The following GADL1 variants were observed in gnomAD, a reference collection of about 807,000 sequenced individuals.
GADL1 encodes GAD like acidic amino acid decarboxylase 1.
Under a neutral mutation model 69.5 loss-of-function variants are expected in GADL1, and 71 were observed. The observed-to-expected ratio is 1.02, with a 90% confidence interval of 0.84 to 1.25. GADL1 has a LOEUF of 1.25. Among genes scored for constraint, GADL1 ranks in the 50% most tolerant of loss-of-function variants. The probability of loss-of-function intolerance (pLI) is 0.00; values close to 1 mark genes in which losing one functional copy is unlikely to be tolerated. For synonymous variants in GADL1, 254 were observed against 214.4 expected (o/e 1.18, Z -1.62); for missense variants, 737 against 631.8 (o/e 1.17, Z -1.79).
chr3:30,740,960 T>TTAATTAATATATAA (rs1695609678), intron 14 of GADL1, among the ~76,000 whole-genome samples: 2 of 134,868 alleles, frequency 1.5e-5, no homozygotes, highest in African/African-American at 5.9e-5. Context: ...AATATATTTA[T>TTAATTAATATATAA]TATATATTAT....
Position 30,728,070 on chromosome 3 carries a change from G to A in GADL1, c.*172C>T, listed in dbSNP as rs976683664. The A allele has an allele frequency of 1.8e-5, 10 of 552,252 alleles. No homozygotes were observed. In the Admixed American group the frequency reaches 2.9e-4, roughly 16 times the overall value. 34.2% of individuals were successfully genotyped at this position (552,252 alleles called of 1,614,324 possible). A position where few individuals can be genotyped will look rare whatever the true frequency, so the allele number is the denominator to read the frequency against. ...TTTTAGCAACAGTAATGCCCAGGCA[G>A]CTAGAGAGTCCTTAATATTCATTGC... On this transcript the variant is annotated 3_prime_UTR_variant, in exon 15 of 15. Transcript: ENST00000282538.
intron 14 of GADL1, among the ~76,000 whole-genome samples, chr3:30,776,117 G>T (rs956286852): frequency 6.6e-6 from 1 of 152,142 alleles, no homozygotes; most frequent in East Asian, 1.9e-4. Context: ...CTGTATTTGA[G>T]ATTAGCTTAT....
intron 9 of GADL1, 98 bp from the exon 10 acceptor site, chr3:30,834,379 C>A: frequency 1.1e-6 from 1 of 917,376 alleles, no homozygotes; most frequent in Non-Finnish European, 1.8e-6. Flanking sequence ...CCTCAATCTG[C>A]ATTATTTGAT....
At chr3:30,884,975 G>C (rs1375398411) in intron 1 of GADL1, among the ~76,000 whole-genome samples, 2 of 152,010 alleles carry the variant, frequency 1.3e-5, no homozygotes, top group Non-Finnish European at 2.9e-5. Flanking sequence ...CCAAGCCTCA[G>C]TCTATATCAG....
Position 30,728,214 on chromosome 3 carries a change from C to T in GADL1, c.*28G>A, listed in dbSNP as rs1485157701. 3 of 1,598,196 alleles carry T rather than the reference C, an allele frequency of 1.9e-6. No individual in the cohort carries two copies. The highest frequency in any genetic ancestry group is 2.6e-6 in the Non-Finnish European group (3 of 1,166,118). ...GATCTAAACTCTCCCAGGATAGGAT[C>T]TATGCCTCTGGGGGACCAAAGCCAC... On this transcript the variant is annotated 3_prime_UTR_variant, in exon 15 of 15. Transcript: ENST00000282538.
At chr3:30,798,194 C>G (rs542310688) in intron 12 of GADL1, 3 of 152,526 alleles carry the variant, frequency 2.0e-5, no homozygotes, top group Admixed American at 1.3e-4. Flanking sequence ...CATCCAGAGA[C>G]TTGGGCCTGC....
chr3:30,783,515 C>A lies in GADL1; in HGVS notation c.1302+2840G>T, dbSNP rs2888259. ...GTTCCACTTTCTCCTTGCTGTTAGA[C>A]AACAGTGACACATACTCTCTCAAAT... On this transcript the variant is annotated intron_variant, in intron 13 of 14. Transcript: ENST00000282538. Among the ~76,000 whole-genome samples the A allele has an allele frequency of 4.1e-4, 38 of 92,390 alleles. 1 individual carries two copies. The highest frequency in any genetic ancestry group is 1.1e-3 in the African/African-American group (37 of 34,238). The allele number at this position is 92,390 out of a possible 152,430, so 60.6% of individuals were successfully genotyped here.
At chr3:30,842,045 A>T (rs973648673) in intron 8 of GADL1, among the ~76,000 whole-genome samples, 2 of 152,152 alleles carry the variant, frequency 1.3e-5, no homozygotes, top group Non-Finnish European at 2.9e-5. Flanking sequence ...AAAAGACCTG[A>T]TCTTTTCAAC....
chr3:30,842,769 C>A (rs2201442), intron 8 of GADL1, among the ~76,000 whole-genome samples: 1 of 142,096 alleles, frequency 7.0e-6, no homozygotes, highest in Non-Finnish European at 1.5e-5. Flanking sequence ...TCAAAGAAAT[C>A]TGATCATGCA....
intron 13 of GADL1, among the ~76,000 whole-genome samples, chr3:30,783,968 G>A (rs917782327): frequency 1.3e-5 from 2 of 152,040 alleles, no homozygotes; most frequent in African/African-American, 4.8e-5. Context: ...AAGGTGTATA[G>A]GACTTTTCAT....
chr3:30,765,469 T>C (rs889081213), intron 14 of GADL1, among the ~76,000 whole-genome samples: 5 of 122,418 alleles, frequency 4.1e-5, no homozygotes, highest in African/African-American at 1.5e-4. Flanking sequence ...CAATAAATTA[T>C]TTTCTATGCA....
intron 14 of GADL1, among the ~76,000 whole-genome samples, chr3:30,755,269 TG>T (rs1447000052): frequency 2.8e-5 from 4 of 141,400 alleles, no homozygotes; most frequent in Admixed American, 6.8e-5. Flanking sequence ...GTTTACATGG[TG>T]AAACCATCAG....
chr3:30,889,084 T>TAAAAAAAAAAAAAAAAA (rs60227313), intron 1 of GADL1, among the ~76,000 whole-genome samples: 3 of 32,914 alleles, frequency 9.1e-5, no homozygotes, highest in African/African-American at 1.7e-4. Flanking sequence ...CGGTAATCTA[T>TAAAAAAAAAAAAAAAAA]AAAAAAAAAA....
chr3:30,829,510 A>G (rs1697749903), intron 11 of GADL1, among the ~76,000 whole-genome samples: 1 of 151,880 alleles, frequency 6.6e-6, no homozygotes, highest in African/African-American at 2.4e-5. Context: ...ACTATTCATC[A>G]ATTATTGTCC....
In GADL1 at chr3:30,728,432, G is replaced by A. The variant is rs929541759; in HGVS notation, c.1393-17C>T. The A allele has an allele frequency of 1.9e-6, 3 of 1,609,342 alleles. No homozygotes were observed. The highest frequency in any genetic ancestry group is 1.1e-5 in the South Asian group (1 of 90,966). On this transcript the variant is annotated splice_polypyrimidine_tract_variant and intron_variant, in intron 14 of 14. Coordinates refer to ENST00000282538, the MANE Select transcript of GADL1 (RefSeq NM_207359.3). ...TGGGGCCACCTGTGTGGGGAGAAAA[G>A]GGGAGAGGGGTGAAAGACCAGAACA...
chr3:30,850,921 G>A lies in GADL1; in HGVS notation c.449C>T (p.Pro150Leu), dbSNP rs1034808644. Residue 150 changes from proline to leucine, a missense_variant, in exon 5 of 15, where the codon CCA becomes CTA. Pro to Leu is a moderately conservative substitution (Grantham distance 98, BLOSUM62 -3). Coordinates refer to ENST00000282538, the MANE Select transcript of GADL1 (RefSeq NM_207359.3). ...CGCTTCTTCCACTAACAGAAACACTGGGGACACCTCATACGTATAACTAGA... is the reference window on the plus strand; with the variant it reads ...CGCTTCTTCCACTAACAGAAACACTAGGGACACCTCATACGTATAACTAGA... ...NPSVYTYEVS[P>L]VFLLVEEAVL... 3.9e-6 allele frequency: 6 copies of A among 1,544,320 alleles called. No individual in the cohort carries two copies. Among genetic ancestry groups the A allele is most frequent in the Non-Finnish European group, 5.3e-6 (6 of 1,140,646 alleles).
chr3:30,792,665 C>G (rs1401714838), intron 12 of GADL1, among the ~76,000 whole-genome samples: 1 of 152,176 alleles, frequency 6.6e-6, no homozygotes, highest in African/African-American at 2.4e-5. Context: ...TATTTAATTT[C>G]AGCTAGCCAT....
chr3:30,795,462 G>T (rs1293568554), intron 12 of GADL1, among the ~76,000 whole-genome samples: 1 of 152,104 alleles, frequency 6.6e-6, no homozygotes, highest in Non-Finnish European at 1.5e-5. Flanking sequence ...CTTGCAATTT[G>T]CTATGACAGA....
intron 11 of GADL1, among the ~76,000 whole-genome samples, chr3:30,813,095 T>G (rs147310233): frequency 1.0e-3 from 156 of 152,252 alleles, no homozygotes; most frequent in Middle Eastern, 3.4e-3. Flanking sequence ...TTTTGGCATA[T>G]CTGGGAACTG....
Sources: gnomAD v4.1 joint callset for allele counts (sites outside exome capture counted in the v4.1 genomes callset) on GRCh38, gnomAD v4.1.1 for gene constraint, MANE v1.5 for transcripts, NCBI Gene and HGNC (gene_info 2026-07-23, HGNC 2026-07-21) for gene names.